Variants in PMPCB observed in about 807,000 individuals in gnomAD.
The protein encoded by PMPCB is mitochondrial-processing peptidase subunit beta.
PMPCB carries 46 observed loss-of-function variants against 61.5 expected under a neutral mutation model. That is an observed-to-expected ratio of 0.75 (90% CI 0.59 to 0.96). The LOEUF (loss-of-function observed/expected upper bound fraction) is 0.96, where lower values mean the gene tolerates loss of function less well. PMPCB is among the 40% of genes least tolerant of loss of function. The probability of loss-of-function intolerance (pLI) is 0.00; values close to 1 mark genes in which losing one functional copy is unlikely to be tolerated. For missense variants in PMPCB, 590 were observed against 602.4 expected, an observed-to-expected ratio of 0.98 and a Z score of 0.22; for synonymous variants, 191 against 201.6, an observed-to-expected ratio of 0.95 and a Z score of 0.44.
At chr7:103,316,712 G>A (rs937581422), downstream of PMPCB, 35 of 866,388 alleles carry the variant, frequency 4.0e-5, no homozygotes, top group African/African-American at 5.4e-4. Context: ...CTTTTCTGCT[G>A]TGGCACAGAA....
At position 103,307,613 on chromosome 7, in the gene PMPCB, T is replaced by C. The variant is rs976884814; in HGVS notation, c.754T>C (p.Leu252=). 10 of 1,608,484 alleles carry C rather than the reference T, an allele frequency of 6.2e-6. No individual in the cohort carries two copies. Among genetic ancestry groups the C allele is most frequent in the South Asian group, 3.3e-5 (3 of 90,976 alleles). ...CAATTTAGGTGTTTCCCATGATGAA[T>C]TGCTTGACTTAGCAAAGTTTCATTT... is the stretch of plus-strand genomic sequence containing the variant. ...AAAGGVSHDE[L]LDLAKFHFGD... is the part of the protein sequence containing the mutation. The change falls in exon 7 of 13, where the codon TTG becomes CTG. Residue 252 remains leucine, a synonymous_variant. Transcript: ENST00000249269.
the PMPCB span, chr7:103,337,926 G>A: frequency 1.4e-6 from 1 of 726,928 alleles, no homozygotes. Context: ...CAGGAGTCCA[G>A]TAAGAGGTTC....
chr7:103,315,868 G>A (rs1398381646), downstream of PMPCB: 19 of 1,606,738 alleles, frequency 1.2e-5, no homozygotes, highest in Non-Finnish European at 1.5e-5. Flanking sequence ...TTTTTGATGA[G>A]GGTCTGAGAA....
intron 12 of PMPCB, chr7:103,324,350 T>TAACA (rs2115906014): frequency 1.4e-6 from 1 of 693,640 alleles, no homozygotes; most frequent in East Asian, 3.9e-5. Flanking sequence ...ATCACATAGG[T>TAACA]AACAGAGTGC....
rs1349748161 is a variant in PMPCB, at chr7:103,310,299, T to A, written c.994-16T>A. 18 of 1,605,094 alleles carry A rather than the reference T, an allele frequency of 1.1e-5. No homozygotes were observed. The highest frequency in any genetic ancestry group is 1.3e-5 in the African/African-American group (1 of 74,474). On this transcript the variant is annotated splice_polypyrimidine_tract_variant and intron_variant, in intron 8 of 12. Transcript: ENST00000249269. ...TGTATAATTAAAATTCTCTTGGAAT[T>A]TTTTTTTCCTTGCAGAATTTATCTA...
intron 4 of PMPCB, among the ~76,000 whole-genome samples, chr7:103,301,439 C>T (rs1219962002): frequency 6.6e-6 from 1 of 152,206 alleles, no homozygotes; most frequent in African/African-American, 2.4e-5. Flanking sequence ...TATGGCTAGG[C>T]CAAGGTTCTT....
At chr7:103,323,614 TTTCTTC>T (rs766405333) in intron 12 of PMPCB, 4 of 1,469,284 alleles carry the variant, frequency 2.7e-6, no homozygotes, top group Middle Eastern at 1.8e-4. Flanking sequence ...GCTTTTTCTT[TTTCTTC>T]TTCATCTAAA....
chr7:103,308,514 C>T (rs1247351186), intron 7 of PMPCB, among the ~76,000 whole-genome samples: 2 of 151,966 alleles, frequency 1.3e-5, no homozygotes, highest in Non-Finnish European at 2.9e-5. Context: ...CCCAGCTACT[C>T]GGGAGGCTGA....
chr7:103,307,648 T>C lies in PMPCB; in HGVS notation c.789T>C (p.Ser263=), dbSNP rs373509589. The C allele has an allele frequency of 5.6e-6, 9 of 1,613,712 alleles. No individual in the cohort carries two copies. The African/African-American group carries it at 6.7e-5, about 12-fold the overall frequency. The change falls in exon 7 of 13, where the codon TCT becomes TCC. Residue 263 remains serine (S), a synonymous_variant. Coordinates refer to ENST00000249269, the MANE Select transcript of PMPCB (RefSeq NM_004279.3). The part of the protein sequence containing the change: ...LDLAKFHFGD[S]LCTHKGEIPA... ...TAGCAAAGTTTCATTTCGGTGACTC[T>C]TTATGCACACACAAAGGAGAAATAC...
chr7:103,346,697 T>C, the PMPCB span, among the ~76,000 whole-genome samples: 1 of 152,214 alleles, frequency 6.6e-6, no homozygotes, highest in African/African-American at 2.4e-5. Flanking sequence ...GTACTTCATA[T>C]TTGTGGAATC....
chr7:103,333,264 A>C (rs1040847552), downstream of PMPCB, among the ~76,000 whole-genome samples: 4 of 152,192 alleles, frequency 2.6e-5, no homozygotes, highest in Non-Finnish European at 5.9e-5. Context: ...CTCTGAATTG[A>C]ATTTCCACCT....
chr7:103,311,418 C>T (rs1817747502), intron 9 of PMPCB: 2 of 554,094 alleles, frequency 3.6e-6, no homozygotes, highest in Non-Finnish European at 6.4e-6. Context: ...GTGATCAGCC[C>T]ATTTGTATAA....
At chr7:103,318,642 A>G (rs1818206556), downstream of PMPCB, among the ~76,000 whole-genome samples, 1 of 152,214 alleles carries the variant, frequency 6.6e-6, no homozygotes, top group South Asian at 2.1e-4. Flanking sequence ...GCATAGTGCT[A>G]TATATAGTAG....
At chr7:103,328,970 A>T (rs747008535) in exon 13 of PMPCB, 2 of 1,271,994 alleles carry the variant, frequency 1.6e-6, no homozygotes, top group East Asian at 1.1e-4. Flanking sequence ...TGGAAATGGA[A>T]CAAGTTATTT....
intron 4 of PMPCB, among the ~76,000 whole-genome samples, chr7:103,301,997 G>A (rs763706946): frequency 1.4e-4 from 22 of 151,974 alleles, no homozygotes; most frequent in African/African-American, 3.6e-4. Flanking sequence ...TTCCCACCTC[G>A]TGTCCAAGTG....
chr7:103,306,043 C>G (rs1004588336), intron 6 of PMPCB, among the ~76,000 whole-genome samples: 10 of 152,164 alleles, frequency 6.6e-5, no homozygotes, highest in African/African-American at 2.4e-4. Context: ...ATTTTAAATA[C>G]TACATAAGTG....
chr7:103,313,284 A>G lies in PMPCB; in HGVS notation c.*1013A>G, dbSNP rs2115742557. The G allele has an allele frequency of 7.5e-7, 1 of 1,338,276 alleles. No homozygotes were observed. The highest frequency in any genetic ancestry group is 9.5e-7 in the Non-Finnish European group (1 of 1,049,064). 82.9% of individuals were successfully genotyped at this position (1,338,276 alleles called of 1,614,324 possible). ...GTTAATAAGAGAAAAAATTTCAGAT[A>G]GCTCACATCCCAGAAAATAAAATCT... On this transcript the variant is annotated 3_prime_UTR_variant, in exon 13 of 13. Coordinates refer to ENST00000249269, the MANE Select transcript of PMPCB (RefSeq NM_004279.3).
intron 12 of PMPCB, among the ~76,000 whole-genome samples, chr7:103,321,043 CA>C (rs1390245597): frequency 6.6e-6 from 1 of 151,124 alleles, no homozygotes; most frequent in Non-Finnish European, 1.5e-5. Context: ...ACTAAAAATA[CA>C]AAAATTAGCT....
At chr7:103,302,508 A>T (rs994031705) in intron 4 of PMPCB, among the ~76,000 whole-genome samples, 2 of 152,102 alleles carry the variant, frequency 1.3e-5, no homozygotes, top group Admixed American at 6.6e-5. Context: ...TTGTCCTTCC[A>T]TTTGTCTATG....
Sources: gnomAD v4.1 joint callset for allele counts (sites outside exome capture counted in the v4.1 genomes callset) on GRCh38, gnomAD v4.1.1 for gene constraint, MANE v1.5 for transcripts, NCBI Gene and HGNC (gene_info 2026-07-23, HGNC 2026-07-21) for gene names.